ATOX1: variants seen among roughly 807,000 people sequenced by gnomAD.
The protein encoded by ATOX1 is copper transport protein ATOX1.
Under a neutral mutation model 7.3 loss-of-function variants are expected in ATOX1, and 4 were observed. The ratio of observed to expected loss-of-function variants is 0.55; its 90% CI spans 0.27 to 1.25. The LOEUF (loss-of-function observed/expected upper bound fraction) is 1.25. ATOX1 is among the 50% of genes most tolerant of loss of function. ATOX1 has a pLI of 0.12. For missense variants in ATOX1, 68 were observed against 81.6 expected (o/e 0.83, Z 0.64); for synonymous variants, 25 against 28.7 (o/e 0.87, Z 0.41).
At chr5:151,747,490 G>T (rs1318023863) in intron 2 of ATOX1, among the ~76,000 whole-genome samples, 1 of 151,938 alleles carries the variant, frequency 6.6e-6, no homozygotes, top group Admixed American at 6.6e-5. Context: ...TTCGCATATT[G>T]CCCAGGCTGG....
intron 2 of ATOX1, among the ~76,000 whole-genome samples, chr5:151,747,719 G>C (rs1477684190): frequency 1.3e-5 from 2 of 152,154 alleles, no homozygotes; most frequent in Admixed American, 1.3e-4. Context: ...CTCCCGAGTG[G>C]CTGGGATTAC....
chr5:151,744,937 G>A (rs1357899846), intron 3 of ATOX1: 2 of 152,174 alleles, frequency 1.3e-5, no homozygotes, highest in Non-Finnish European at 1.5e-5. Context: ...TTTTACCGAT[G>A]GGAAGACCAA....
intron 1 of ATOX1, among the ~76,000 whole-genome samples, chr5:151,756,466 CCTTT>C (rs1244766929): frequency 1.3e-5 from 2 of 150,656 alleles, no homozygotes; most frequent in African/African-American, 2.4e-5. Flanking sequence ...CTCCTTCCTT[CCTTT>C]TTTTTTTTTC....
chr5:151,751,967 A>C (rs1459421267), intron 1 of ATOX1, 188 bp from the exon 2 acceptor site: 8 of 609,404 alleles, frequency 1.3e-5, no homozygotes, highest in East Asian at 2.7e-5. Context: ...AAGAGTTTCT[A>C]CCTCACAAGT....
chr5:151,750,393 T>A (rs967204759), intron 2 of ATOX1, among the ~76,000 whole-genome samples: 1 of 150,932 alleles, frequency 6.6e-6, no homozygotes, highest in Non-Finnish European at 1.5e-5. Context: ...TCCATATCTA[T>A]GAAAAGTACA....
intron 1 of ATOX1, among the ~76,000 whole-genome samples, chr5:151,758,252 C>G (rs552211640): frequency 4.9e-4 from 74 of 152,374 alleles, no homozygotes; most frequent in African/African-American, 1.7e-3. Flanking sequence ...CCCCCATCCC[C>G]TGCCCCCTCT....
intron 1 of ATOX1, among the ~76,000 whole-genome samples, chr5:151,756,613 T>C (rs540010588): frequency 6.6e-6 from 1 of 152,100 alleles, no homozygotes; most frequent in South Asian, 2.1e-4. Context: ...GCTGGGACTA[T>C]AGGCACGGGC....
intron 2 of ATOX1, among the ~76,000 whole-genome samples, chr5:151,750,162 G>C (rs77150818): frequency 0.015 from 2,360 of 152,290 alleles, 54 homozygotes; most frequent in African/African-American, 0.052. Context: ...TTACCTCACT[G>C]AGTCCCAGGA....
intron 2 of ATOX1, among the ~76,000 whole-genome samples, chr5:151,747,036 CTTT>C (rs963677927): frequency 1.4e-5 from 2 of 142,306 alleles, no homozygotes; most frequent in Non-Finnish European, 3.1e-5. Context: ...GCCCAGCCAC[CTTT>C]TTTTTTTAAT....
chr5:151,754,980 C>CAAAAAAAA (rs79359321), intron 1 of ATOX1, among the ~76,000 whole-genome samples: 1 of 48,864 alleles, frequency 2.0e-5, no homozygotes, highest in African/African-American at 7.3e-5. Flanking sequence ...AGACACCGTC[C>CAAAAAAAA]AAAAAAAAAA....
intron 1 of ATOX1, among the ~76,000 whole-genome samples, chr5:151,755,080 C>T (rs912763769): frequency 1.3e-5 from 2 of 151,114 alleles, no homozygotes; most frequent in Admixed American, 1.3e-4. Context: ...GTAGTTGTAC[C>T]AGAGACCCTA....
At chr5:151,746,008 A>G (rs1018806999) in intron 3 of ATOX1, 49 of 267,886 alleles carry the variant, frequency 1.8e-4, no homozygotes, top group African/African-American at 9.2e-4. Context: ...CCTGCTAACC[A>G]TGAACTGCAA....
At chr5:151,752,718 T>G (rs1373994855) in intron 1 of ATOX1, among the ~76,000 whole-genome samples, 2 of 152,184 alleles carry the variant, frequency 1.3e-5, no homozygotes, top group East Asian at 3.8e-4. Flanking sequence ...TAAATATGGC[T>G]TCAGATACCA....
At chr5:151,750,421 G>A (rs765693666) in intron 2 of ATOX1, among the ~76,000 whole-genome samples, 10 of 148,456 alleles carry the variant, frequency 6.7e-5, no homozygotes, top group South Asian at 2.1e-4. Flanking sequence ...ACCGGAAATC[G>A]CCTGAACCCA....
chr5:151,755,589 T>C (rs1196502673), intron 1 of ATOX1, among the ~76,000 whole-genome samples: 1 of 152,186 alleles, frequency 6.6e-6, no homozygotes, highest in Non-Finnish European at 1.5e-5. Flanking sequence ...AGTCAACAGA[T>C]ACCTGAAACT....
intron 1 of ATOX1, chr5:151,752,558 G>T: frequency 1.9e-6 from 1 of 533,646 alleles, no homozygotes; most frequent in Non-Finnish European, 3.3e-6. Context: ...TGCCTGGACA[G>T]AGTAGGTGCT....
chr5:151,756,146 G>T (rs1179629164), intron 1 of ATOX1, among the ~76,000 whole-genome samples: 2 of 151,950 alleles, frequency 1.3e-5, no homozygotes, highest in Non-Finnish European at 2.9e-5. Context: ...GTTTCACCAT[G>T]TTGGCCAGGC....
In ATOX1 at chr5:151,752,382, A is replaced by G. The variant is rs890159058; in HGVS notation, c.7-603T>C. On this transcript the variant is annotated intron_variant, in intron 1 of 3. Coordinates refer to ENST00000313115, the MANE Select transcript of ATOX1 (RefSeq NM_004045.4). ...AAAGAAAGGATTGCCTGGGTTCCCC[A>G]GTGGGTTGGAGGCCAGGCAGGAAGG... 2.3e-5 allele frequency: 16 copies of G among 701,382 alleles called. No homozygotes were observed. The South Asian group carries it at 2.4e-4, about 10-fold the overall frequency. 43.4% of individuals were successfully genotyped at this position (701,382 alleles called of 1,614,324 possible). A position where few individuals can be genotyped will look rare whatever the true frequency, so the allele number is the denominator to read the frequency against.
At chr5:151,753,566 A>G (rs1761977430) in intron 1 of ATOX1, among the ~76,000 whole-genome samples, 1 of 152,214 alleles carries the variant, frequency 6.6e-6, no homozygotes, top group East Asian at 1.9e-4. Flanking sequence ...GGGTGTAGTG[A>G]TATATCTTGC....
Sources: gnomAD v4.1 joint callset for allele counts (sites outside exome capture counted in the v4.1 genomes callset) on GRCh38, gnomAD v4.1.1 for gene constraint, MANE v1.5 for transcripts, NCBI Gene and HGNC (gene_info 2026-07-23, HGNC 2026-07-21) for gene names.